Variants in ADD2 observed in about 807,000 individuals in gnomAD.
The protein encoded by ADD2 is adducin 2, also known as beta-adducin.
In ADD2, 23 loss-of-function variants were observed where a neutral mutation model predicts 83.0. The observed-to-expected ratio is 0.28, with a 90% CI of 0.20 to 0.39. ADD2 has a LOEUF of 0.39. Among genes scored for constraint, ADD2 ranks in the 10% least tolerant of loss-of-function variants. The probability of loss-of-function intolerance (pLI) is 1.00; values close to 1 mark genes in which losing one functional copy is unlikely to be tolerated. For missense variants in ADD2, 758 were observed against 944.9 expected (o/e 0.80, Z 2.59); for synonymous variants, 375 against 375.4 (o/e 1.00, Z 0.01).
intron 1 of ADD2, among the ~76,000 whole-genome samples, chr2:70,720,254 T>C (rs2104435235): frequency 6.6e-6 from 1 of 151,874 alleles, no homozygotes; most frequent in East Asian, 1.9e-4. Flanking sequence ...AGTGCTGGTG[T>C]GGAGGAGGGG....
intron 1 of ADD2, among the ~76,000 whole-genome samples, chr2:70,746,863 T>C (rs946885721): frequency 3.9e-5 from 6 of 152,176 alleles, no homozygotes; most frequent in Non-Finnish European, 7.4e-5. Flanking sequence ...CTGAGCCAAA[T>C]GTTTTTGGAT....
chr2:70,702,475 T>C (rs961930858), intron 4 of ADD2, among the ~76,000 whole-genome samples: 8 of 152,204 alleles, frequency 5.3e-5, no homozygotes, highest in Admixed American at 2.6e-4. Flanking sequence ...CCTAAAGTTA[T>C]TGTAAAGAAT....
chr2:70,664,485 A>G (rs954036034), intron 15 of ADD2, among the ~76,000 whole-genome samples: 5 of 152,144 alleles, frequency 3.3e-5, no homozygotes, highest in Non-Finnish European at 7.4e-5. Flanking sequence ...CTTCCACACA[A>G]CCTTTCAGAT....
chr2:70,751,654 G>C (rs1674510743), intron 1 of ADD2, among the ~76,000 whole-genome samples: 1 of 152,186 alleles, frequency 6.6e-6, no homozygotes. Context: ...TAAGAAAGTA[G>C]TTGCTTAACT....
rs1675425173 is a variant in ADD2, at chr2:70,658,184, T to C, written c.*5241A>G. Reference sequence around the variant, plus strand: ...AAGGGAATTGTCTCTATAAAAATGATGAAAGGTGTTCTCCACTAAGGGACA... The same window carrying C: ...AAGGGAATTGTCTCTATAAAAATGACGAAAGGTGTTCTCCACTAAGGGACA... On this transcript the variant is annotated 3_prime_UTR_variant, in exon 16 of 16. Transcript: ENST00000264436. 6.6e-6 allele frequency: 1 copy of C among 152,176 alleles called. No individual in the cohort carries two copies. Among genetic ancestry groups the C allele is most frequent in the Non-Finnish European group, 1.5e-5 (1 of 68,034 alleles). 9.4% of individuals were successfully genotyped at this position (152,176 alleles called of 1,614,324 possible). A position where few individuals can be genotyped will look rare whatever the true frequency, so the allele number is the denominator to read the frequency against.
At chr2:70,749,357 A>G (rs1674395045) in intron 1 of ADD2, among the ~76,000 whole-genome samples, 1 of 152,230 alleles carries the variant, frequency 6.6e-6, no homozygotes, top group South Asian at 2.1e-4. Flanking sequence ...AAACCATATC[A>G]GAGGCTAATG....
At chr2:70,741,486 A>G (rs1336485180) in intron 1 of ADD2, 3 of 152,244 alleles carry the variant, frequency 2.0e-5, no homozygotes, top group African/African-American at 7.2e-5. Flanking sequence ...CAAGCTTTTA[A>G]GTGTGATGGA....
Position 70,767,957 on chromosome 2 carries a change from G to T in ADD2, c.-225C>A. The T allele has an allele frequency of 6.5e-7, 1 of 1,535,464 alleles. No individual in the cohort carries two copies. Among genetic ancestry groups the T allele is most frequent in the African/African-American group, 1.4e-5 (1 of 73,130 alleles). On this transcript the variant is annotated 5_prime_UTR_variant, in exon 1 of 16. Coordinates refer to ENST00000264436, the MANE Select transcript of ADD2 (RefSeq NM_001617.4). Reference sequence around the variant, plus strand: ...GTTTTGTTATTTTATGGGTTTGGGGGGTGGGGTGCGCTTAAAAAATCCACC... The same window carrying T: ...GTTTTGTTATTTTATGGGTTTGGGGTGTGGGGTGCGCTTAAAAAATCCACC...
chr2:70,668,019 A>G (rs782784818), intron 15 of ADD2, among the ~76,000 whole-genome samples: 13 of 152,130 alleles, frequency 8.5e-5, no homozygotes, highest in Non-Finnish European at 1.6e-4. Flanking sequence ...ACATAGAACA[A>G]AAAGGTGGAG....
intron 1 of ADD2, among the ~76,000 whole-genome samples, chr2:70,765,920 AAAT>A (rs1675357990): frequency 1.3e-5 from 2 of 152,224 alleles, no homozygotes; most frequent in African/African-American, 4.8e-5. Flanking sequence ...AGGTGGTAAT[AAAT>A]AAATATATCT....
At chr2:70,663,816 A>C in intron 15 of ADD2, 81 bp from the exon 16 acceptor site, 1 of 1,415,622 alleles carries the variant, frequency 7.1e-7, no homozygotes. Context: ...AACCATTTCT[A>C]GGGAATTCTA....
chr2:70,716,161 T>C (rs897670649), intron 1 of ADD2, among the ~76,000 whole-genome samples: 5 of 152,082 alleles, frequency 3.3e-5, no homozygotes, highest in Admixed American at 2.0e-4. Flanking sequence ...TCAAACCAAA[T>C]GCACACCCCA....
At position 70,690,653 on chromosome 2, in the gene ADD2, A is replaced by C. The variant is rs1393047118; in HGVS notation, c.849+133T>G. On this transcript the variant is annotated intron_variant, in intron 8 of 15. Transcript: ENST00000264436. ...GGGGTACACAGCAAAATCTCAGGGT[A>C]GTGGGATAGAGATCTTTCTTTTTTT... The C allele has an allele frequency of 4.0e-6, 4 of 1,010,806 alleles. No individual in the cohort carries two copies. In the East Asian group the frequency reaches 7.9e-5, roughly 20 times the overall value. 62.6% of individuals were successfully genotyped at this position (1,010,806 alleles called of 1,614,324 possible).
At chr2:70,698,657 T>C (rs934291215) in intron 4 of ADD2, among the ~76,000 whole-genome samples, 25 of 152,210 alleles carry the variant, frequency 1.6e-4, no homozygotes, top group African/African-American at 5.5e-4. Context: ...ATTATTTATA[T>C]ATAAAAATGT....
At chr2:70,718,044 G>C (rs1198277904) in intron 1 of ADD2, among the ~76,000 whole-genome samples, 3 of 152,198 alleles carry the variant, frequency 2.0e-5, no homozygotes, top group Non-Finnish European at 4.4e-5. Context: ...CTTCACTGCT[G>C]CAGACCCCAT....
In ADD2 at chr2:70,713,193, C is replaced by T. The variant is rs183987251; in HGVS notation, c.-153-9G>A. ...AAACATCCAGGTGGAAACTGCAAAA[C>T]ACAAACACGACAAGTGTCAGGGCCT... On this transcript the variant is annotated splice_polypyrimidine_tract_variant and intron_variant, in intron 1 of 15. Transcript: ENST00000264436. 4.9e-5 allele frequency: 48 copies of T among 979,702 alleles called. No individual in the cohort carries two copies. In the Admixed American group the frequency reaches 2.3e-3, roughly 46 times the overall value. 60.7% of individuals were successfully genotyped at this position (979,702 alleles called of 1,614,324 possible).
chr2:70,677,047 C>A (rs548400955), intron 12 of ADD2, among the ~76,000 whole-genome samples, 162 bp from the exon 13 acceptor site: 1 of 152,232 alleles, frequency 6.6e-6, no homozygotes, highest in South Asian at 2.1e-4. Flanking sequence ...GGGGGGCCTC[C>A]AAGTCTGTTC....
intron 1 of ADD2, among the ~76,000 whole-genome samples, chr2:70,755,067 G>C (rs1674701549): frequency 2.0e-5 from 3 of 152,096 alleles, no homozygotes; most frequent in African/African-American, 7.2e-5. Context: ...GCCCCTGCCT[G>C]CATCTGGGCC....
chr2:70,676,730 C>T lies in ADD2; in HGVS notation c.1593+66G>A. 4 of 1,608,502 alleles carry T rather than the reference C, an allele frequency of 2.5e-6. No homozygotes were observed. The highest frequency in any genetic ancestry group is 3.4e-6 in the Non-Finnish European group (4 of 1,177,084). On this transcript the variant is annotated intron_variant, in intron 13 of 15. Transcript: ENST00000264436. The surrounding 1 kb of genome is among the most constrained non-coding windows in gnomAD (Gnocchi z 4.8). ...GGACTCAGGGGTCCTGCAACCCAGC[C>T]CCAGGCACAGAAGACCCCGAAGGCA...
Sources: gnomAD v4.1 joint callset for allele counts (sites outside exome capture counted in the v4.1 genomes callset) on GRCh38, gnomAD v4.1.1 for gene constraint, Gnocchi (gnomAD v3.1) non-coding constraint, MANE v1.5 for transcripts, NCBI Gene and HGNC (gene_info 2026-07-23, HGNC 2026-07-21) for gene names.